GOLM1: variants seen among roughly 807,000 people sequenced by gnomAD.
GOLM1 encodes golgi membrane protein 1, also known as epididymis luminal protein 46.
GOLM1 carries 31 observed loss-of-function variants against 50.5 expected under a neutral mutation model. The observed-to-expected ratio is 0.61, with a 90% confidence interval of 0.46 to 0.83. The LOEUF (loss-of-function observed/expected upper bound fraction) is 0.83, where lower values mean the gene tolerates loss of function less well. Ranked by LOEUF, GOLM1 falls within the 40% of genes least tolerant of loss-of-function variation. The pLI is 0.00. For missense variants in GOLM1, 491 were observed against 501.3 expected (o/e 0.98, Z 0.20); for synonymous variants, 178 against 192.8 (o/e 0.92, Z 0.64).
rs1205699375 is a variant in GOLM1 at position 86,046,550 on chromosome 9, C to T, written c.387G>A (p.Arg129=). 1 of 1,611,714 alleles carries T rather than the reference C, an allele frequency of 6.2e-7. No homozygotes were observed. The highest frequency in any genetic ancestry group is 8.5e-7 in the Non-Finnish European group (1 of 1,178,310). Residue 129 remains arginine (R), a synonymous_variant, in exon 5 of 10, where the codon AGG becomes AGA. Transcript: ENST00000388712. ...VLQDQLKTLQ[R]NYGRLQQDVL... is the part of the protein sequence containing the mutation. ...CATCCTGCTGCAGCCTGCCGTAATT[C>T]CTCTGCAGGGTCTTTAACTGGTCTA...
chr9:86,067,640 T>C (rs1255105928), intron 3 of GOLM1, among the ~76,000 whole-genome samples: 1 of 152,216 alleles, frequency 6.6e-6, no homozygotes, highest in African/African-American at 2.4e-5. Flanking sequence ...GGGCCGTCGG[T>C]TGAACAGTGT....
Position 86,036,399 on chromosome 9 carries a change from G to A in GOLM1, c.706C>T (p.Pro236Ser), listed in dbSNP as rs757561134. ...AAAACCACTTCGGAACTGGGGGCTG[G>A]TGTCTGGGACTTGCTGTTACCAAGC... ...NVLGNSKSQT[P>S]APSSEVVLDS... is the part of the protein sequence containing the mutation. Residue 236 changes from proline to serine, a missense_variant, in exon 7 of 10, where the codon CCA (proline) becomes TCA (serine). Coordinates refer to ENST00000388712, the MANE Select transcript of GOLM1 (RefSeq NM_016548.4). The A allele has an allele frequency of 1.9e-6, 3 of 1,614,088 alleles. No homozygotes were observed. In the Admixed American group the frequency reaches 5.0e-5, roughly 27 times the overall value.
intron 4 of GOLM1, among the ~76,000 whole-genome samples, chr9:86,048,023 T>TC (rs937968688): frequency 2.1e-5 from 2 of 94,892 alleles, no homozygotes; most frequent in African/African-American, 8.4e-5. Flanking sequence ...AAGCCATCCC[T>TC]CCCCCCTCCC....
chr9:86,089,803 G>A (rs182811124), intron 1 of GOLM1, among the ~76,000 whole-genome samples: 238 of 152,208 alleles, frequency 1.6e-3, no homozygotes, highest in African/African-American at 5.4e-3. Flanking sequence ...CCTTGCTGGC[G>A]AGGAGGTGTG....
At chr9:86,041,014 G>T in intron 5 of GOLM1, 146 bp from the exon 6 acceptor site, 1 of 640,708 alleles carries the variant, frequency 1.6e-6, no homozygotes. Context: ...GGGCAACACG[G>T]GTGTGTGTTC....
rs910448135 is a variant in GOLM1 at position 86,026,447 on chromosome 9, G to A, written c.*1370C>T. 2.7e-5 allele frequency: 27 copies of A among 982,962 alleles called. No homozygotes were observed. In the Middle Eastern group the frequency reaches 2.1e-3, roughly 76 times the overall value. The allele number at this position is 982,962 out of a possible 1,614,324, so 60.9% of individuals were successfully genotyped here. A position where few individuals can be genotyped will look rare whatever the true frequency, so the allele number is the denominator to read the frequency against. On this transcript the variant is annotated 3_prime_UTR_variant, in exon 10 of 10. Transcript: ENST00000388712. Reference sequence around the variant, plus strand: ...CTGCTTCAGTGACTGTGTGCCTGTAGTCCCAGCTACTCGGGAGTCTGTGTG... The same window carrying A: ...CTGCTTCAGTGACTGTGTGCCTGTAATCCCAGCTACTCGGGAGTCTGTGTG...
Position 86,036,674 on chromosome 9 carries a change from G to A in GOLM1, c.598-167C>T, listed in dbSNP as rs191509426. Reference sequence around the variant, plus strand: ...TCTGGTCACGCCCTGGTCATGTGGCGTAAATCAGAAGACAAGAGGTTGAGT... The same window carrying A: ...TCTGGTCACGCCCTGGTCATGTGGCATAAATCAGAAGACAAGAGGTTGAGT... On this transcript the variant is annotated intron_variant, in intron 6 of 9. Transcript: ENST00000388712. 325 of 651,074 alleles carry A rather than the reference G, an allele frequency of 5.0e-4. No individual in the cohort carries two copies. The East Asian group carries it at 8.3e-3, about 17-fold the overall frequency. The allele number at this position is 651,074 out of a possible 1,614,324, so 40.3% of individuals were successfully genotyped here.
chr9:86,092,091 C>A (rs544599914), intron 1 of GOLM1, among the ~76,000 whole-genome samples: 35 of 152,322 alleles, frequency 2.3e-4, no homozygotes, highest in Admixed American at 2.2e-3. Flanking sequence ...ACAACCATGT[C>A]TGACCCTTGC....
chr9:86,033,065 G>A (rs1833032271), intron 9 of GOLM1, among the ~76,000 whole-genome samples: 1 of 152,102 alleles, frequency 6.6e-6, no homozygotes, highest in Admixed American at 6.6e-5. Flanking sequence ...TTCTAGAAAC[G>A]ATGCAGACTT....
chr9:86,046,243 A>G (rs1833536168), intron 5 of GOLM1, among the ~76,000 whole-genome samples: 1 of 152,190 alleles, frequency 6.6e-6, no homozygotes, highest in Non-Finnish European at 1.5e-5. Flanking sequence ...TGCCTTACAG[A>G]GTTTTAAGTT....
intron 1 of GOLM1, among the ~76,000 whole-genome samples, chr9:86,088,552 G>A (rs1171952723): frequency 7.1e-6 from 1 of 140,688 alleles, no homozygotes; most frequent in Non-Finnish European, 1.5e-5. Context: ...TTTTTTCAGA[G>A]GATTGCAACT....
intron 6 of GOLM1, among the ~76,000 whole-genome samples, chr9:86,038,064 G>T (rs1299636928): frequency 6.6e-6 from 1 of 151,436 alleles, no homozygotes; most frequent in African/African-American, 2.4e-5. Flanking sequence ...TGAGGCAGGA[G>T]AATTGCTTCA....
At chr9:86,068,322 G>C (rs538621805) in intron 3 of GOLM1, among the ~76,000 whole-genome samples, 2 of 152,222 alleles carry the variant, frequency 1.3e-5, no homozygotes, top group African/African-American at 4.8e-5. Flanking sequence ...AACTGTAAAA[G>C]TATACATTTT....
rs1832807952 is a variant in GOLM1 at position 86,027,036 on chromosome 9, T to G, written c.*781A>C. 2 of 985,422 alleles carry G rather than the reference T, an allele frequency of 2.0e-6. No homozygotes were observed. Among genetic ancestry groups the G allele is most frequent in the Non-Finnish European group, 2.4e-6 (2 of 829,928 alleles). 61.0% of individuals were successfully genotyped at this position (985,422 alleles called of 1,614,324 possible). ...TCAGCCCCCTTTTGGCCTGTTTGTT[T>G]TGTCAAAAACCTAATCTGCTTCTTG... On this transcript the variant is annotated 3_prime_UTR_variant, in exon 10 of 10. Coordinates refer to ENST00000388712, the MANE Select transcript of GOLM1 (RefSeq NM_016548.4).
chr9:86,040,803 G>A lies in GOLM1; in HGVS notation c.533C>T (p.Thr178Ile), dbSNP rs558855417. Reference protein sequence around the residue: ...EQCEERIEEVTKKGNEAVASR... With the variant: ...EQCEERIEEVIKKGNEAVASR... Reference sequence around the variant, plus strand: ...AGCTACAGCTTCATTCCCCTTTTTGGTGACCTCTTCTATTCGCTCCTCACA... The same window carrying A: ...AGCTACAGCTTCATTCCCCTTTTTGATGACCTCTTCTATTCGCTCCTCACA... The change falls in exon 6 of 10, where the codon ACC becomes ATC. Residue 178 changes from threonine to isoleucine, a missense_variant. Physicochemically the swap from Thr to Ile is moderately conservative, Grantham distance 89. Coordinates refer to ENST00000388712, the MANE Select transcript of GOLM1 (RefSeq NM_016548.4). 1.1e-5 allele frequency: 18 copies of A among 1,613,534 alleles called. No homozygotes were observed. Among genetic ancestry groups the A allele is most frequent in the Non-Finnish European group, 1.4e-5 (17 of 1,179,578 alleles).
At chr9:86,048,781 T>C (rs996034385) in intron 4 of GOLM1, among the ~76,000 whole-genome samples, 11 of 152,230 alleles carry the variant, frequency 7.2e-5, no homozygotes, top group African/African-American at 2.7e-4. Flanking sequence ...TATTAGCTCT[T>C]TGTCAGATAG....
chr9:86,068,252 G>T (rs1834361444), intron 3 of GOLM1, among the ~76,000 whole-genome samples: 2 of 152,166 alleles, frequency 1.3e-5, no homozygotes, highest in Admixed American at 1.3e-4. Flanking sequence ...AGCCAGAGAG[G>T]CGAGGTAGTG....
At chr9:86,057,755 G>A (rs188740789) in intron 3 of GOLM1, among the ~76,000 whole-genome samples, 1 of 152,194 alleles carries the variant, frequency 6.6e-6, no homozygotes, top group African/African-American at 2.4e-5. Context: ...AGCCAAGCAG[G>A]GCCCTCCTGG....
intron 3 of GOLM1, among the ~76,000 whole-genome samples, chr9:86,062,198 G>A (rs918626578): frequency 4.6e-5 from 7 of 152,140 alleles, no homozygotes; most frequent in Non-Finnish European, 8.8e-5. Context: ...CTGGGAGAGT[G>A]CAGGATGCTC....
Sources: allele counts gnomAD v4.1 joint callset (sites outside exome capture counted in the v4.1 genomes callset), GRCh38; gene constraint gnomAD v4.1.1; transcripts MANE v1.5; gene names NCBI Gene and HGNC (gene_info 2026-07-23, HGNC 2026-07-21).